ZNF85: variants seen among roughly 807,000 people sequenced by gnomAD.
The protein encoded by ZNF85 is zinc finger protein 85 (HPF4, HTF1).
A neutral mutation model predicts 53.9 loss-of-function variants in ZNF85; 50 were observed. That is an observed-to-expected ratio of 0.93 (90% CI 0.74 to 1.17). ZNF85 has a LOEUF of 1.17. Among genes scored for constraint, ZNF85 ranks in the 50% most tolerant of loss-of-function variants. The probability of loss-of-function intolerance (pLI) is 0.00; values close to 1 mark genes in which losing one functional copy is unlikely to be tolerated. For synonymous variants in ZNF85, 225 were observed against 226.1 expected, an observed-to-expected ratio of 1.00 and a Z score of 0.04; for missense variants, 747 against 688.5, an observed-to-expected ratio of 1.08 and a Z score of -0.95.
At chr19:20,930,315 G>A (rs958436044) in intron 1 of ZNF85, among the ~76,000 whole-genome samples, 1 of 151,866 alleles carries the variant, frequency 6.6e-6, no homozygotes, top group Non-Finnish European at 1.5e-5. Context: ...TTAACAACTT[G>A]TTTTCTATTT....
chr19:20,949,141 A>C lies in ZNF85; in HGVS notation c.627A>C (p.Lys209Asn). The change falls in exon 4 of 4, where the codon AAA becomes AAC. Residue 209 changes from lysine to asparagine, a missense_variant. Lys to Asn is a moderately conservative substitution (Grantham distance 94). Coordinates refer to ENST00000328178, the MANE Select transcript of ZNF85 (RefSeq NM_003429.5). Reference sequence around the variant, plus strand: ...TCTACAAATGTGAAGAATGTGGAAAAGCCTTTAACTGGTCCTCAACCCTTA... The same window carrying C: ...TCTACAAATGTGAAGAATGTGGAAACGCCTTTAACTGGTCCTCAACCCTTA... Reference protein sequence around the residue: ...VNFYKCEECGKAFNWSSTLTK... With the variant: ...VNFYKCEECGNAFNWSSTLTK... The C allele has an allele frequency of 6.2e-7, 1 of 1,613,620 alleles. No homozygotes were observed. Among genetic ancestry groups the C allele is most frequent in the Non-Finnish European group, 8.5e-7 (1 of 1,179,758 alleles).
chr19:20,949,036 C>T lies in ZNF85; in HGVS notation c.522C>T (p.Phe174=). 6.2e-7 allele frequency: 1 copy of T among 1,613,804 alleles called. No individual in the cohort carries two copies. Residue 174 remains phenylalanine, a synonymous_variant, in exon 4 of 4, where the codon TTC becomes TTT. Transcript: ENST00000328178. The stretch of plus-strand genomic sequence containing the variant: ...TAAGACATACTAAAAAGAAACCTTT[C>T]AAATGTACAAAATGTGGCAAATCAT... ...HEIRHTKKKP[F]KCTKCGKSFG... is the part of the protein sequence containing the mutation.
rs1472687844 is a variant in ZNF85 at position 20,923,285 on chromosome 19, CTT to C, written c.-115_-114del. 1.3e-6 allele frequency: 2 copies of C among 1,539,346 alleles called. No homozygotes were observed. Among genetic ancestry groups the C allele is most frequent in the African/African-American group, 2.7e-5 (2 of 73,234 alleles). ...TCTCGCTGCAGCCTGAGCTCTAGGT[CTT>C]GTTTTCCCTGCTTTGTGTTTTCTGC... On this transcript the variant is annotated 5_prime_UTR_variant, in exon 1 of 4. Coordinates refer to ENST00000328178, the MANE Select transcript of ZNF85 (RefSeq NM_003429.5).
intron 2 of ZNF85, 51 bp from the exon 3 acceptor site, chr19:20,934,898 G>A (rs1973119820): frequency 3.1e-6 from 4 of 1,282,140 alleles, no homozygotes; most frequent in Non-Finnish European, 4.4e-6. Flanking sequence ...TACTAGATTG[G>A]TCATTAGAGA....
chr19:20,940,869 A>G (rs1375725704), intron 3 of ZNF85, among the ~76,000 whole-genome samples: 1 of 152,198 alleles, frequency 6.6e-6, no homozygotes, highest in African/African-American at 2.4e-5. Context: ...CATTATATGT[A>G]TATGTTACAT....
In ZNF85 at chr19:20,949,570, C is replaced by T. The variant is rs369471263; in HGVS notation, c.1056C>T (p.Asn352=). The change falls in exon 4 of 4, where the codon AAC becomes AAT. Residue 352 remains asparagine, a synonymous_variant. Coordinates refer to ENST00000328178, the MANE Select transcript of ZNF85 (RefSeq NM_003429.5). ...YKCKKCGKAF[N]QSAHLTTHEV... ...GTAAAAAATGTGGAAAAGCCTTTAA[C>T]CAGTCTGCACACCTTACCACACATG... is the stretch of plus-strand genomic sequence containing the variant. 6.2e-5 allele frequency: 99 copies of T among 1,597,010 alleles called. No homozygotes were observed. The highest frequency in any genetic ancestry group is 7.8e-5 in the Non-Finnish European group (91 of 1,168,550).
intron 3 of ZNF85, among the ~76,000 whole-genome samples, chr19:20,947,867 T>C (rs893619033): frequency 2.0e-5 from 3 of 152,036 alleles, no homozygotes; most frequent in African/African-American, 7.2e-5. Context: ...TCTGTGTTTC[T>C]ATTTTCCTCA....
At chr19:20,923,899 T>G (rs933077052) in intron 1 of ZNF85, among the ~76,000 whole-genome samples, 10 of 151,928 alleles carry the variant, frequency 6.6e-5, no homozygotes, top group Non-Finnish European at 1.3e-4. Context: ...CTGGCCAACA[T>G]GGTGAAACCC....
intron 3 of ZNF85, among the ~76,000 whole-genome samples, chr19:20,947,396 A>G (rs998313435): frequency 1.3e-5 from 2 of 150,738 alleles, no homozygotes; most frequent in East Asian, 3.9e-4. Flanking sequence ...TTTCCCAGAA[A>G]GTTATGCATT....
rs1973537581 is a variant in ZNF85 at position 20,949,994 on chromosome 19, C to A, written c.1480C>A (p.Pro494Thr). 6.2e-7 allele frequency: 1 copy of A among 1,603,096 alleles called. No homozygotes were observed. The highest frequency in any genetic ancestry group is 1.7e-4 in the Middle Eastern group (1 of 5,970). ...CEECGKGFKW[P>T]STLTIHKIIH... Reference sequence around the variant, plus strand: ...AGAATGTGGCAAAGGTTTTAAATGGCCCTCAACCCTTACTATCCATAAGAT... The same window carrying A: ...AGAATGTGGCAAAGGTTTTAAATGGACCTCAACCCTTACTATCCATAAGAT... The change falls in exon 4 of 4, where the codon CCC (proline) becomes ACC (threonine). Residue 494 changes from proline to threonine, a missense_variant. Pro to Thr is a conservative substitution (Grantham distance 38, BLOSUM62 -1). Transcript: ENST00000328178.
Position 20,949,501 on chromosome 19 carries a change from T to C in ZNF85, c.987T>C (p.Leu329=). Residue 329 remains leucine (L), a synonymous_variant, in exon 4 of 4, where the codon CTT becomes CTC. Transcript: ENST00000328178. ...CGKAFKQSSN[L]TTHKIIHTGE... ...AAGCCTTTAAGCAGTCCTCAAACCT[T>C]ACTACACATAAGATAATTCATACTG... The C allele has an allele frequency of 1.2e-6, 2 of 1,613,420 alleles. No homozygotes were observed. The highest frequency in any genetic ancestry group is 1.7e-6 in the Non-Finnish European group (2 of 1,179,730).
intron 1 of ZNF85, among the ~76,000 whole-genome samples, chr19:20,929,852 G>A (rs1372305400): frequency 1.3e-5 from 2 of 152,132 alleles, no homozygotes; most frequent in African/African-American, 4.8e-5. Flanking sequence ...CAGGCGTGGT[G>A]GCTTACGCCT....
chr19:20,932,525 T>C (rs1973046835), intron 1 of ZNF85, among the ~76,000 whole-genome samples: 1 of 152,190 alleles, frequency 6.6e-6, no homozygotes. Context: ...TGAAAAGGTG[T>C]GGATACTCAA....
chr19:20,930,965 G>A (rs550200965), intron 1 of ZNF85, among the ~76,000 whole-genome samples: 1 of 152,244 alleles, frequency 6.6e-6, no homozygotes, highest in South Asian at 2.1e-4. Context: ...AGTAGAGACT[G>A]CGTTTCTCCA....
chr19:20,934,118 T>A lies in ZNF85; in HGVS notation c.98T>A (p.Met33Lys). Reference sequence around the variant, plus strand: ...CAGCGGAATTTATATAGAAATGTGATGTTAGAGAACTACAGAAACCTGGTC... The same window carrying A: ...CAGCGGAATTTATATAGAAATGTGAAGTTAGAGAACTACAGAAACCTGGTC... Reference protein sequence around the residue: ...TAQRNLYRNVMLENYRNLVFL... With the variant: ...TAQRNLYRNVKLENYRNLVFL... Residue 33 changes from methionine to lysine, a missense_variant, in exon 2 of 4, where the codon ATG becomes AAG. Transcript: ENST00000328178. The A allele has an allele frequency of 6.2e-7, 1 of 1,612,560 alleles. No individual in the cohort carries two copies. The highest frequency in any genetic ancestry group is 8.5e-7 in the Non-Finnish European group (1 of 1,179,122).
chr19:20,923,271 C>A lies in ZNF85; in HGVS notation c.-130C>A, dbSNP rs760917399. The A allele has an allele frequency of 7.6e-6, 11 of 1,449,160 alleles. No individual in the cohort carries two copies. Among genetic ancestry groups the A allele is most frequent in the Non-Finnish European group, 1.1e-5 (11 of 1,046,072 alleles). The allele number at this position is 1,449,160 out of a possible 1,614,324, so 89.8% of individuals were successfully genotyped here. A position where few individuals can be genotyped will look rare whatever the true frequency, so the allele number is the denominator to read the frequency against. ...GCGGGGCCTTTGTCTCTCGCTGCAG[C>A]CTGAGCTCTAGGTCTTGTTTTCCCT... On this transcript the variant is annotated 5_prime_UTR_variant, in exon 1 of 4. Coordinates refer to ENST00000328178, the MANE Select transcript of ZNF85 (RefSeq NM_003429.5).
intron 1 of ZNF85, among the ~76,000 whole-genome samples, chr19:20,931,625 T>C (rs555187385): frequency 3.4e-5 from 5 of 146,140 alleles, no homozygotes; most frequent in South Asian, 2.2e-4. Context: ...TTTTTCTTTT[T>C]TTTTTTTTTT....
At chr19:20,923,515 C>A (rs1218740876) in intron 1 of ZNF85, 112 bp downstream of exon 1, 1 of 1,564,200 alleles carries the variant, frequency 6.4e-7, no homozygotes, top group South Asian at 1.2e-5. Flanking sequence ...AATCTGCGCT[C>A]CAGTTCTTTT....
chr19:20,943,332 T>TC (rs1209055154), intron 3 of ZNF85: 1 of 153,136 alleles, frequency 6.5e-6, no homozygotes, highest in Non-Finnish European at 1.5e-5. Context: ...CTTTGTACTA[T>TC]CCTCTTGGTA....
Sources: allele counts gnomAD v4.1 joint callset (sites outside exome capture counted in the v4.1 genomes callset), GRCh38; gene constraint gnomAD v4.1.1; transcripts MANE v1.5; gene names NCBI Gene and HGNC (gene_info 2026-07-23, HGNC 2026-07-21).